The following REEP3 variants were observed in gnomAD, a reference collection of about 807,000 sequenced individuals.
REEP3 encodes the protein receptor accessory protein 3.
A neutral mutation model predicts 41.3 loss-of-function variants in REEP3; 20 were observed. That is an observed-to-expected ratio of 0.48 (90% CI 0.34 to 0.70). REEP3 has a LOEUF of 0.70. Among genes scored for constraint, REEP3 ranks in the 30% least tolerant of loss-of-function variants. REEP3 has a pLI of 0.01. For synonymous variants in REEP3, 104 were observed against 101.8 expected, an observed-to-expected ratio of 1.02 and a Z score of -0.13; for missense variants, 271 against 308.8, an observed-to-expected ratio of 0.88 and a Z score of 0.92.
chr10:63,589,099 G>T (rs1315021592), intron 2 of REEP3, among the ~76,000 whole-genome samples: 1 of 152,134 alleles, frequency 6.6e-6, no homozygotes, highest in Non-Finnish European at 1.5e-5. Flanking sequence ...CCATGGGAGG[G>T]GTTTGAGCAG....
chr10:63,578,474 A>T (rs1955917347), intron 2 of REEP3, among the ~76,000 whole-genome samples: 1 of 152,170 alleles, frequency 6.6e-6, no homozygotes, highest in Non-Finnish European at 1.5e-5. Context: ...TAGGAAATAG[A>T]TTTAAAGTAA....
intron 2 of REEP3, among the ~76,000 whole-genome samples, chr10:63,581,538 T>C (rs1955953924): frequency 6.6e-6 from 1 of 152,054 alleles, no homozygotes; most frequent in Non-Finnish European, 1.5e-5. Context: ...CCCAGGAGTT[T>C]GAGACTAACC....
chr10:63,616,517 T>C (rs1034537949), intron 6 of REEP3, among the ~76,000 whole-genome samples: 1 of 152,182 alleles, frequency 6.6e-6, no homozygotes, highest in Non-Finnish European at 1.5e-5. Flanking sequence ...TTCCTGAAGC[T>C]ATAATTAGAT....
intron 5 of REEP3, among the ~76,000 whole-genome samples, chr10:63,600,255 C>T (rs1443014465): frequency 6.6e-6 from 1 of 152,118 alleles, no homozygotes; most frequent in Non-Finnish European, 1.5e-5. Flanking sequence ...AGGGCACTTT[C>T]ACTTTTCAGA....
At chr10:63,594,890 A>G (rs756329093) in intron 3 of REEP3, 36 bp downstream of exon 3, 36 of 1,300,326 alleles carry the variant, frequency 2.8e-5, no homozygotes, top group Non-Finnish European at 3.8e-5. Context: ...CAGACTACAG[A>G]CTCATAATCA....
At chr10:63,611,031 C>T (rs1956273753) in intron 6 of REEP3, among the ~76,000 whole-genome samples, 1 of 152,068 alleles carries the variant, frequency 6.6e-6, no homozygotes, top group South Asian at 2.1e-4. Flanking sequence ...GAGATGGTGC[C>T]ACTGCACTCC....
At chr10:63,537,034 T>C (rs2133346599) in intron 1 of REEP3, among the ~76,000 whole-genome samples, 1 of 152,200 alleles carries the variant, frequency 6.6e-6, no homozygotes, top group East Asian at 1.9e-4. Context: ...ATTTGGCATA[T>C]GCATCAAAAG....
At chr10:63,571,771 A>G (rs1477251066) in intron 2 of REEP3, among the ~76,000 whole-genome samples, 1 of 152,204 alleles carries the variant, frequency 6.6e-6, no homozygotes, top group Non-Finnish European at 1.5e-5. Flanking sequence ...CTGCAGTCTT[A>G]TGAAGTAGGC....
At chr10:63,582,494 G>A (rs1428335571) in intron 2 of REEP3, among the ~76,000 whole-genome samples, 2 of 152,118 alleles carry the variant, frequency 1.3e-5, no homozygotes, top group Non-Finnish European at 2.9e-5. Context: ...TACACTGTGT[G>A]CTTTTAAAAA....
In REEP3 at chr10:63,624,580, C is replaced by A. The variant is rs555421175; in HGVS notation, c.*3711C>A. 1.3e-5 allele frequency: 2 copies of A among 151,936 alleles called. No individual in the cohort carries two copies. Among genetic ancestry groups the A allele is most frequent in the Non-Finnish European group, 2.9e-5 (2 of 67,932 alleles). 9.4% of individuals were successfully genotyped at this position (151,936 alleles called of 1,614,324 possible). ...TAAACTCATTTTATTTGTGGCAATT[C>A]GCGTTTCTTTTTTTATGCCAGAGTA... On this transcript the variant is annotated 3_prime_UTR_variant, in exon 8 of 8. Transcript: ENST00000373758.
At chr10:63,572,335 C>T (rs937585929) in intron 2 of REEP3, among the ~76,000 whole-genome samples, 3 of 151,288 alleles carry the variant, frequency 2.0e-5, no homozygotes, top group African/African-American at 7.3e-5. Context: ...TTTAAGTTCT[C>T]GGATACATGT....
At chr10:63,540,916 T>G (rs1032122650) in intron 1 of REEP3, among the ~76,000 whole-genome samples, 5 of 152,126 alleles carry the variant, frequency 3.3e-5, no homozygotes, top group African/African-American at 9.7e-5. Flanking sequence ...GACATATATT[T>G]TTAAGATCCC....
At chr10:63,532,989 A>G (rs1955438099) in intron 1 of REEP3, among the ~76,000 whole-genome samples, 2 of 152,206 alleles carry the variant, frequency 1.3e-5, no homozygotes, top group South Asian at 2.1e-4. Context: ...TTTTTCTGTT[A>G]TTGTGAATCC....
intron 1 of REEP3, among the ~76,000 whole-genome samples, chr10:63,545,443 C>T (rs1291226429): frequency 1.3e-5 from 2 of 151,928 alleles, no homozygotes; most frequent in African/African-American, 2.4e-5. Flanking sequence ...GGTGCGGTCT[C>T]GGCTCACTGC....
chr10:63,560,714 A>G (rs139922348), intron 1 of REEP3, among the ~76,000 whole-genome samples: 1 of 152,322 alleles, frequency 6.6e-6, no homozygotes, highest in African/African-American at 2.4e-5. Flanking sequence ...AGTGAATTTT[A>G]CTTGTAGCAA....
intron 1 of REEP3, among the ~76,000 whole-genome samples, chr10:63,560,924 A>C (rs1282524398): frequency 3.4e-4 from 52 of 152,212 alleles, no homozygotes; most frequent in Non-Finnish European, 1.6e-4. Context: ...ATAAATTCTC[A>C]GTAATATTCA....
intron 1 of REEP3, among the ~76,000 whole-genome samples, chr10:63,554,971 AAGTTTGAGTCTG>A (rs1955663922): frequency 6.6e-6 from 1 of 151,988 alleles, no homozygotes; most frequent in Non-Finnish European, 1.5e-5. Flanking sequence ...GGAGATGAGG[AAGTTTGAGTCTG>A]AGTTGCTGTA....
chr10:63,622,434 C>T lies in REEP3; in HGVS notation c.*1565C>T, dbSNP rs957629446. The T allele has an allele frequency of 3.9e-5, 6 of 152,142 alleles. No homozygotes were observed. The highest frequency in any genetic ancestry group is 5.9e-5 in the Non-Finnish European group (4 of 68,036). 9.4% of individuals were successfully genotyped at this position (152,142 alleles called of 1,614,324 possible). ...AATTAATTCAGTTTTCTTCTCCCAACGTTTAATTCTGAATAACTCTATCTA... is the reference window on the plus strand; with the variant it reads ...AATTAATTCAGTTTTCTTCTCCCAATGTTTAATTCTGAATAACTCTATCTA... On this transcript the variant is annotated 3_prime_UTR_variant, in exon 8 of 8. Transcript: ENST00000373758.
rs1224360941 is a variant in REEP3 at position 63,621,374 on chromosome 10, TCCA to T, written c.*509_*511del. Reference sequence around the variant, plus strand: ...TACTTATATAATACTTTCTAGTTTTTCCACCATCAGCTGAAAGTTTTTGAAACA... The same window carrying T: ...TACTTATATAATACTTTCTAGTTTTTCCATCAGCTGAAAGTTTTTGAAACA... On this transcript the variant is annotated 3_prime_UTR_variant, in exon 8 of 8. Coordinates refer to ENST00000373758, the MANE Select transcript of REEP3 (RefSeq NM_001001330.3). 6.5e-6 allele frequency: 1 copy of T among 152,760 alleles called. No individual in the cohort carries two copies. Among genetic ancestry groups the T allele is most frequent in the East Asian group, 1.9e-4 (1 of 5,188 alleles). 9.5% of individuals were successfully genotyped at this position (152,760 alleles called of 1,614,324 possible).
Sources: gnomAD v4.1 joint callset for allele counts (sites outside exome capture counted in the v4.1 genomes callset) on GRCh38, gnomAD v4.1.1 for gene constraint, MANE v1.5 for transcripts, NCBI Gene and HGNC (gene_info 2026-07-23, HGNC 2026-07-21) for gene names.